Variants in AMPH observed in about 807,000 individuals in gnomAD.
The protein encoded by AMPH is amphiphysin.
In AMPH, 49 loss-of-function variants were observed where a neutral mutation model predicts 99.1. The observed-to-expected ratio is 0.49, with a 90% CI of 0.39 to 0.63. The LOEUF (loss-of-function observed/expected upper bound fraction) is 0.63. Ranked by LOEUF, AMPH falls within the 20% of genes least tolerant of loss-of-function variation. AMPH has a pLI of 0.00. For synonymous variants in AMPH, 314 were observed against 317.3 expected (o/e 0.99, Z 0.11); for missense variants, 759 against 863.4 (o/e 0.88, Z 1.52).
intron 2 of AMPH, among the ~76,000 whole-genome samples, chr7:38,509,674 G>A (rs1270366742): frequency 6.6e-6 from 1 of 152,142 alleles, no homozygotes; most frequent in Non-Finnish European, 1.5e-5. Context: ...TGTGTGAGGA[G>A]ACTTGACTTA....
chr7:38,541,017 TAAAAAAAAAAAAAA>T (rs60200785), intron 1 of AMPH, among the ~76,000 whole-genome samples: 5 of 97,700 alleles, frequency 5.1e-5, no homozygotes, highest in Middle Eastern at 6.0e-3. Context: ...TTTCTGTTCT[TAAAAAAAAAAAAAA>T]AAAAAAAAAA....
chr7:38,399,326 A>T (rs748152495), intron 17 of AMPH, among the ~76,000 whole-genome samples: 1 of 152,218 alleles, frequency 6.6e-6, no homozygotes, highest in Non-Finnish European at 1.5e-5. Flanking sequence ...TTCTGACACT[A>T]GTCTGATGAT....
chr7:38,604,055 GA>G, intron 1 of AMPH, among the ~76,000 whole-genome samples: 1 of 152,290 alleles, frequency 6.6e-6, no homozygotes, highest in Non-Finnish European at 1.5e-5. Flanking sequence ...TTAAGATGTT[GA>G]GAGAATTTCC....
intron 5 of AMPH, among the ~76,000 whole-genome samples, chr7:38,480,052 G>A (rs1306665943): frequency 5.8e-4 from 83 of 143,172 alleles, no homozygotes; most frequent in African/African-American, 2.1e-3. Flanking sequence ...GATATGGTAG[G>A]AAAAAGAAAA....
In AMPH at chr7:38,562,088, G is replaced by A. The variant is rs555636032; in HGVS notation, c.70-27077C>T. On this transcript the variant is annotated intron_variant, in intron 1 of 20. Coordinates refer to ENST00000356264, the MANE Select transcript of AMPH (RefSeq NM_001635.4). ...GTGGGGAAGTGAGATAGGTGGAAAT[G>A]AAGGAGAGGAAGAAAAAAGTCATTT... Among the ~76,000 whole-genome samples, 4 of 151,786 alleles carry A rather than the reference G, an allele frequency of 2.6e-5. No homozygotes were observed. The South Asian group carries it at 8.3e-4, about 32-fold the overall frequency.
intron 1 of AMPH, among the ~76,000 whole-genome samples, chr7:38,552,488 T>C (rs1163811519): frequency 3.3e-5 from 5 of 152,244 alleles, no homozygotes; most frequent in Non-Finnish European, 7.3e-5. Flanking sequence ...AATAATTAGA[T>C]GTCTTGATTT....
intron 5 of AMPH, among the ~76,000 whole-genome samples, chr7:38,478,997 A>G (rs1173321659): frequency 1.3e-5 from 2 of 152,182 alleles, no homozygotes; most frequent in Non-Finnish European, 2.9e-5. Flanking sequence ...AAAATGGTCT[A>G]ACATAATATA....
At chr7:38,493,089 T>C (rs1340532319) in intron 4 of AMPH, among the ~76,000 whole-genome samples, 1 of 152,214 alleles carries the variant, frequency 6.6e-6, no homozygotes, top group Non-Finnish European at 1.5e-5. Flanking sequence ...TCTGTTAGCA[T>C]CTCAGTTATA....
chr7:38,472,081 T>C (rs1254125774), intron 7 of AMPH, among the ~76,000 whole-genome samples: 1 of 152,082 alleles, frequency 6.6e-6, no homozygotes, highest in African/African-American at 2.4e-5. Flanking sequence ...AATAGAAAAC[T>C]TGAACAACAT....
intron 20 of AMPH, among the ~76,000 whole-genome samples, chr7:38,388,471 ATTTTT>A (rs1371800986): frequency 1.3e-5 from 2 of 151,338 alleles, no homozygotes; most frequent in African/African-American, 4.9e-5. Context: ...TTGTGAATTT[ATTTTT>A]ATTATTTTCT....
intron 3 of AMPH, among the ~76,000 whole-genome samples, chr7:38,501,906 A>G (rs1397852532): frequency 6.6e-6 from 1 of 152,140 alleles, no homozygotes; most frequent in African/African-American, 2.4e-5. Context: ...ACAGTATTTT[A>G]TTTGTAATGT....
At chr7:38,393,937 C>A (rs1413788878) in intron 18 of AMPH, 68 bp downstream of exon 18, 84 of 1,515,990 alleles carry the variant, frequency 5.5e-5, no homozygotes, top group Non-Finnish European at 7.6e-5. Flanking sequence ...CACCATGAAC[C>A]AACCAACAGA....
At chr7:38,469,556 T>C (rs981127695) in intron 7 of AMPH, among the ~76,000 whole-genome samples, 12 of 152,128 alleles carry the variant, frequency 7.9e-5, no homozygotes, top group Admixed American at 3.3e-4. Flanking sequence ...AGATGGAGTA[T>C]GAGGAAGAGT....
At chr7:38,437,807 C>A (rs202136919) in intron 11 of AMPH, among the ~76,000 whole-genome samples, 62 of 151,122 alleles carry the variant, frequency 4.1e-4, no homozygotes, top group African/African-American at 1.4e-3. Context: ...CCATTCCCCC[C>A]CAAAAATAAA....
At chr7:38,492,247 G>C (rs1788746781) in intron 4 of AMPH, among the ~76,000 whole-genome samples, 1 of 152,206 alleles carries the variant, frequency 6.6e-6, no homozygotes, top group South Asian at 2.1e-4. Flanking sequence ...CTTTCAGGAA[G>C]TGTCCTGAAA....
At chr7:38,431,516 C>T (rs1023868946) in intron 13 of AMPH, among the ~76,000 whole-genome samples, 4 of 152,084 alleles carry the variant, frequency 2.6e-5, no homozygotes, top group East Asian at 3.9e-4. Flanking sequence ...ATTAGTTGGG[C>T]GCGGTGGCGG....
At chr7:38,490,056 C>A (rs567452205) in intron 5 of AMPH, among the ~76,000 whole-genome samples, 1 of 152,220 alleles carries the variant, frequency 6.6e-6, no homozygotes, top group African/African-American at 2.4e-5. Context: ...AGACTGTCTG[C>A]TCCACAAACA....
chr7:38,584,279 G>A (rs545680310), intron 1 of AMPH, among the ~76,000 whole-genome samples: 63 of 152,292 alleles, frequency 4.1e-4, no homozygotes, highest in African/African-American at 1.5e-3. Flanking sequence ...AGCTATTCCA[G>A]ATGCATCTTA....
At chr7:38,438,032 A>C (rs980370943) in intron 11 of AMPH, among the ~76,000 whole-genome samples, 6 of 152,094 alleles carry the variant, frequency 3.9e-5, no homozygotes, top group African/African-American at 1.4e-4. Context: ...ACAATCACAA[A>C]ACTATCAACC....
Sources: gnomAD v4.1 joint callset for allele counts (sites outside exome capture counted in the v4.1 genomes callset) on GRCh38, gnomAD v4.1.1 for gene constraint, MANE v1.5 for transcripts, NCBI Gene and HGNC (gene_info 2026-07-23, HGNC 2026-07-21) for gene names.